DTNA: variants seen among roughly 807,000 people sequenced by gnomAD.
DTNA encodes the protein dystrobrevin alpha.
In DTNA, 43 loss-of-function variants were observed where a neutral mutation model predicts 100.7. The observed-to-expected ratio is 0.43, with a 90% CI of 0.33 to 0.55. The LOEUF is 0.55. DTNA is among the 20% of genes least tolerant of loss of function. DTNA has a pLI of 0.04. For missense variants in DTNA, 798 were observed against 953.9 expected (o/e 0.84, Z 2.15); for synonymous variants, 349 against 347.9 (o/e 1.00, Z -0.04).
chr18:34,827,557 G>C (rs1348427245), intron 9 of DTNA, 36 bp from the exon 10 acceptor site: 3 of 1,603,362 alleles, frequency 1.9e-6, no homozygotes, highest in Middle Eastern at 1.7e-4. Flanking sequence ...ACTTTTATTT[G>C]TTTTAACTTT....
chr18:34,609,578 C>A (rs1354321760), intron 1 of DTNA, among the ~76,000 whole-genome samples: 1 of 152,242 alleles, frequency 6.6e-6, no homozygotes, highest in Non-Finnish European at 1.5e-5. Flanking sequence ...TTTGAATGCT[C>A]AGTTGTATTA....
intron 1 of DTNA, among the ~76,000 whole-genome samples, chr18:34,682,661 AG>A (rs755675756): frequency 4.6e-5 from 7 of 152,036 alleles, no homozygotes; most frequent in Non-Finnish European, 1.0e-4. Flanking sequence ...TTCTTTGGTG[AG>A]GTGTCTGTTC....
At chr18:34,789,415 C>T (rs1222176712) in intron 3 of DTNA, among the ~76,000 whole-genome samples, 7 of 152,230 alleles carry the variant, frequency 4.6e-5, no homozygotes, top group African/African-American at 1.7e-4. Context: ...GAGCCAAATC[C>T]TTATTGTAGT....
chr18:34,642,525 CCTT>C (rs1276784333), intron 1 of DTNA, among the ~76,000 whole-genome samples: 15 of 151,012 alleles, frequency 9.9e-5, no homozygotes, highest in Admixed American at 9.9e-4. Context: ...TTCCTTCTTT[CCTT>C]CTTTCTTTCC....
intron 1 of DTNA, among the ~76,000 whole-genome samples, chr18:34,728,064 T>C (rs1234717920): frequency 6.6e-6 from 1 of 152,216 alleles, no homozygotes; most frequent in East Asian, 1.9e-4. Context: ...CTGAATTTTC[T>C]TCAGCAGATA....
chr18:34,693,252 A>G (rs938728514), intron 1 of DTNA, among the ~76,000 whole-genome samples: 5 of 152,172 alleles, frequency 3.3e-5, no homozygotes, highest in African/African-American at 9.7e-5. Context: ...AGATAAATAA[A>G]GTTTAATTAT....
At chr18:34,765,393 G>A (rs1397189595) in intron 2 of DTNA, among the ~76,000 whole-genome samples, 5 of 152,254 alleles carry the variant, frequency 3.3e-5, no homozygotes, top group Non-Finnish European at 5.9e-5. Flanking sequence ...TGTGCCAGAC[G>A]GTGTTTAAGT....
Position 34,812,119 on chromosome 18 carries a change from A to T in DTNA, c.603+6A>T, listed in dbSNP as rs1312592272. On this transcript the variant is annotated splice_donor_region_variant and intron_variant, in intron 6 of 22. Coordinates refer to ENST00000444659, the MANE Select transcript of DTNA (RefSeq NM_001386795.1). The stretch of plus-strand genomic sequence containing the variant: ...GATCCTGTTTCTCCCAACAGGTAGG[A>T]GAAAAATATGTTTAAGGAAGTATCT... 6.2e-7 allele frequency: 1 copy of T among 1,614,000 alleles called. No homozygotes were observed. The highest frequency in any genetic ancestry group is 1.7e-5 in the Admixed American group (1 of 60,016).
chr18:34,836,085 G>T (rs117089531), intron 11 of DTNA, among the ~76,000 whole-genome samples: 201 of 152,296 alleles, frequency 1.3e-3, no homozygotes, highest in Non-Finnish European at 2.2e-3. Flanking sequence ...GGCAGCAGGG[G>T]TACTGTAGGT....
At chr18:34,500,776 T>G (rs575779997) in intron 1 of DTNA, among the ~76,000 whole-genome samples, 1 of 152,226 alleles carries the variant, frequency 6.6e-6, no homozygotes, top group African/African-American at 2.4e-5. Context: ...TTCTATATTT[T>G]TTTGACGAAT....
intron 17 of DTNA, chr18:34,866,692 C>T (rs961985955): frequency 7.0e-6 from 7 of 996,970 alleles, no homozygotes; most frequent in Non-Finnish European, 1.2e-6. Context: ...CCAAAATGTG[C>T]TCAATTTTGT....
In DTNA at chr18:34,864,221, C is replaced by T. The variant is rs9963649; in HGVS notation, c.1743+159C>T. On this transcript the variant is annotated intron_variant, in intron 17 of 22. Coordinates refer to ENST00000444659, the MANE Select transcript of DTNA (RefSeq NM_001386795.1). The stretch of plus-strand genomic sequence containing the variant: ...AAAACAATTTGTTAGACCAGTGTAG[C>T]AGTAGCTGTCAGTAATAGAACACAT... Among the ~76,000 whole-genome samples the T allele has an allele frequency of 0.18, 26,584 of 151,148 alleles. 3,061 individuals carry two copies. Among genetic ancestry groups the T allele is most frequent in the African/African-American group, 0.34 (13,799 of 41,058 alleles).
chr18:34,537,070 G>T (rs560994603), intron 1 of DTNA, among the ~76,000 whole-genome samples: 1 of 151,978 alleles, frequency 6.6e-6, no homozygotes, highest in African/African-American at 2.4e-5. Context: ...ACTGTGTTCT[G>T]TGAAGTATCA....
At chr18:34,667,043 T>A (rs2144813493) in intron 1 of DTNA, among the ~76,000 whole-genome samples, 1 of 152,348 alleles carries the variant, frequency 6.6e-6, no homozygotes, top group Admixed American at 6.5e-5. Context: ...TATTGATTCT[T>A]CCTATCCATG....
chr18:34,812,536 A>C (rs1476339475), intron 6 of DTNA, among the ~76,000 whole-genome samples: 1 of 152,190 alleles, frequency 6.6e-6, no homozygotes, highest in African/African-American at 2.4e-5. Flanking sequence ...CCTTCTTCAC[A>C]TGGCGACAGG....
intron 1 of DTNA, among the ~76,000 whole-genome samples, chr18:34,688,452 G>C (rs1600227377): frequency 6.6e-6 from 1 of 152,164 alleles, no homozygotes; most frequent in South Asian, 2.1e-4. Flanking sequence ...TTTTCTTTAA[G>C]AATGTCGAAT....
chr18:34,687,123 T>G (rs1390269895), intron 1 of DTNA, among the ~76,000 whole-genome samples: 1 of 152,210 alleles, frequency 6.6e-6, no homozygotes, highest in Non-Finnish European at 1.5e-5. Context: ...TTGAAGGGTT[T>G]TTCATGTCTC....
At chr18:34,867,934 C>T (rs2096724448) in intron 17 of DTNA, 11 of 985,292 alleles carry the variant, frequency 1.1e-5, no homozygotes, top group African/African-American at 1.7e-5. Flanking sequence ...AGCAATACAT[C>T]GTCTGGGTAG....
chr18:34,602,778 G>A (rs909188765), intron 1 of DTNA, among the ~76,000 whole-genome samples: 10 of 151,982 alleles, frequency 6.6e-5, no homozygotes, highest in African/African-American at 2.4e-4. Flanking sequence ...TTGGGAGGCC[G>A]CCGGATCAGG....
Sources: gnomAD v4.1 joint callset for allele counts (sites outside exome capture counted in the v4.1 genomes callset) on GRCh38, gnomAD v4.1.1 for gene constraint, MANE v1.5 for transcripts, NCBI Gene and HGNC (gene_info 2026-07-23, HGNC 2026-07-21) for gene names.